The following C3orf85 variants were observed in gnomAD, a reference collection of about 807,000 sequenced individuals.
C3orf85 encodes uncharacterized protein C3orf85.
A neutral mutation model predicts 1.7 loss-of-function variants in C3orf85; 1 was observed. The observed-to-expected ratio is 0.60, with a 90% CI of 0.21 to 2.86. The LOEUF (loss-of-function observed/expected upper bound fraction) is 2.86, where lower values mean the gene tolerates loss of function less well. Ranked by LOEUF, C3orf85 falls within the 30% of genes most tolerant of loss-of-function variation. The pLI is 0.22. For synonymous variants in C3orf85, 17 were observed against 8.0 expected, an observed-to-expected ratio of 2.13 and a Z score of -1.90; for missense variants, 29 against 21.3, an observed-to-expected ratio of 1.36 and a Z score of -0.72.
intron 2 of C3orf85, among the ~76,000 whole-genome samples, chr3:109,139,131 C>CA (rs1706712248): frequency 2.6e-5 from 4 of 152,198 alleles, no homozygotes; most frequent in Non-Finnish European, 2.9e-5. Context: ...GCTACACAGT[C>CA]AATCAATGGT....
intron 2 of C3orf85, among the ~76,000 whole-genome samples, chr3:109,139,309 C>T (rs964410093): frequency 2.0e-5 from 3 of 152,212 alleles, no homozygotes; most frequent in Non-Finnish European, 2.9e-5. Flanking sequence ...GTATCATAGC[C>T]GTTGCTTCCA....
At chr3:109,145,380 G>A (rs2107835621) in intron 2 of C3orf85, among the ~76,000 whole-genome samples, 1 of 152,294 alleles carries the variant, frequency 6.6e-6, no homozygotes, top group Non-Finnish European at 1.5e-5. Context: ...AGACGGAAAA[G>A]AACAAATACT....
chr3:109,150,452 C>G lies in C3orf85; in HGVS notation c.*558C>G, dbSNP rs1247236195. ...ACAACAAGTAGATAGTGGCTAGGAA[C>G]TCAATGGAAGTCATTCACTTGTAAG... On this transcript the variant is annotated 3_prime_UTR_variant, in exon 4 of 4. Coordinates refer to ENST00000622536, the MANE Select transcript of C3orf85 (RefSeq NM_001351622.2). 2.6e-5 allele frequency: 4 copies of G among 152,164 alleles called. No individual in the cohort carries two copies. Among genetic ancestry groups the G allele is most frequent in the African/African-American group, 9.7e-5 (4 of 41,436 alleles). 9.4% of individuals were successfully genotyped at this position (152,164 alleles called of 1,614,324 possible).
chr3:109,144,798 C>T (rs141197478), intron 2 of C3orf85, among the ~76,000 whole-genome samples: 143 of 152,210 alleles, frequency 9.4e-4, no homozygotes, highest in African/African-American at 3.2e-3. Flanking sequence ...ATATCCTAAG[C>T]ATCATTTACT....
chr3:109,137,635 G>GTATATATATA lies in C3orf85; in HGVS notation c.49+740_49+741insATATATATAT, dbSNP rs1436615146. On this transcript the variant is annotated intron_variant, in intron 2 of 3. Transcript: ENST00000622536. Reference sequence around the variant, plus strand: ...GATGTATATATGTGTGTGTGTGTGTGTGTATATATATATATATATATATAT... The same window carrying GTATATATATA: ...GATGTATATATGTGTGTGTGTGTGTGTATATATATATGTATATATATATATATATATATAT... Among the ~76,000 whole-genome samples, 114 of 48,772 alleles carry GTATATATATA rather than the reference G, an allele frequency of 2.3e-3. 2 individuals are homozygous for GTATATATATA. The highest frequency in any genetic ancestry group is 4.4e-3 in the African/African-American group (105 of 24,032). The allele number at this position is 48,772 out of a possible 152,430, so 32.0% of individuals were successfully genotyped here.
intron 2 of C3orf85, among the ~76,000 whole-genome samples, chr3:109,142,542 C>T (rs1404638874): frequency 1.3e-5 from 2 of 152,122 alleles, no homozygotes; most frequent in East Asian, 1.9e-4. Context: ...GTAGACCTCT[C>T]CTATGGATCT....
At chr3:109,143,900 T>C (rs1471584791) in intron 2 of C3orf85, among the ~76,000 whole-genome samples, 3 of 152,198 alleles carry the variant, frequency 2.0e-5, no homozygotes. Flanking sequence ...CTGAAGTGTT[T>C]GCCTTGTTTC....
intron 3 of C3orf85, chr3:109,149,188 CTTTCT>C (rs1278047140): frequency 6.6e-6 from 1 of 152,092 alleles, no homozygotes; most frequent in Non-Finnish European, 1.5e-5. Context: ...CTTATTCTTT[CTTTCT>C]TTCCACATAT....
At chr3:109,145,256 A>G (rs1020182022) in intron 2 of C3orf85, among the ~76,000 whole-genome samples, 3 of 152,226 alleles carry the variant, frequency 2.0e-5, no homozygotes, top group South Asian at 2.1e-4. Flanking sequence ...AAAATGTGGT[A>G]TATATACATA....
intron 2 of C3orf85, among the ~76,000 whole-genome samples, chr3:109,144,200 CA>C (rs1039315077): frequency 6.6e-6 from 1 of 152,134 alleles, no homozygotes; most frequent in Non-Finnish European, 1.5e-5. Flanking sequence ...TTCACAAACA[CA>C]AAACCCTGGT....
chr3:109,147,684 G>A (rs1050539774), intron 2 of C3orf85, among the ~76,000 whole-genome samples: 1 of 152,076 alleles, frequency 6.6e-6, no homozygotes, highest in Admixed American at 6.5e-5. Flanking sequence ...CGATTTGATG[G>A]TGAATTGATC....
At chr3:109,144,884 T>A (rs1706781341) in intron 2 of C3orf85, among the ~76,000 whole-genome samples, 1 of 152,208 alleles carries the variant, frequency 6.6e-6, no homozygotes, top group Non-Finnish European at 1.5e-5. Flanking sequence ...AAAAAACACC[T>A]ATTTATTAAC....
intron 3 of C3orf85, 182 bp from the exon 4 acceptor site, chr3:109,149,623 A>G: frequency 2.8e-6 from 1 of 362,192 alleles, no homozygotes; most frequent in Non-Finnish European, 4.9e-6. Context: ...CAAATACTGT[A>G]AAATATCTGA....
rs1222800442 is a variant in C3orf85 at position 109,150,792 on chromosome 3, C to G, written c.*898C>G. Among the ~76,000 whole-genome samples the G allele has an allele frequency of 6.6e-6, 1 of 152,152 alleles. No individual in the cohort carries two copies. The highest frequency in any genetic ancestry group is 2.4e-5 in the African/African-American group (1 of 41,440). ...TCAGAAGTCTATTTATCTCCATTCT[C>G]TATTCTCTATTTTAGTTGTTCTCTC... On this transcript the variant is annotated 3_prime_UTR_variant, in exon 4 of 4. Transcript: ENST00000622536.
intron 2 of C3orf85, among the ~76,000 whole-genome samples, chr3:109,147,674 C>A (rs561269247): frequency 1.3e-5 from 2 of 151,920 alleles, no homozygotes; most frequent in African/African-American, 4.8e-5. Context: ...CAAGGTGGTT[C>A]GATTTGATGG....
intron 2 of C3orf85, among the ~76,000 whole-genome samples, chr3:109,141,759 G>A (rs1348864871): frequency 1.3e-5 from 2 of 152,226 alleles, no homozygotes; most frequent in African/African-American, 4.8e-5. Flanking sequence ...GTGGGGCGTG[G>A]TGGCTCATGC....
chr3:109,147,621 C>CTT (rs1706814473), intron 2 of C3orf85, among the ~76,000 whole-genome samples: 1 of 152,082 alleles, frequency 6.6e-6, no homozygotes, highest in Non-Finnish European at 1.5e-5. Flanking sequence ...ATTATCATCT[C>CTT]TTTTTTCTTC....
chr3:109,138,181 A>T (rs1030132170), intron 2 of C3orf85, among the ~76,000 whole-genome samples: 1 of 152,226 alleles, frequency 6.6e-6, no homozygotes, highest in Non-Finnish European at 1.5e-5. Context: ...CTACCTATAA[A>T]GACAACTGGT....
chr3:109,148,178 G>A (rs1706820871), intron 2 of C3orf85, 75 bp from the exon 3 acceptor site: 1 of 638,084 alleles, frequency 1.6e-6, no homozygotes, highest in Non-Finnish European at 2.8e-6. Flanking sequence ...TCACAGCTGG[G>A]TCTCTTGAAG....
Sources: allele counts gnomAD v4.1 joint callset (sites outside exome capture counted in the v4.1 genomes callset), GRCh38; gene constraint gnomAD v4.1.1; transcripts MANE v1.5; gene names NCBI Gene and HGNC (gene_info 2026-07-23, HGNC 2026-07-21).